Variants in RCBTB2 observed in about 807,000 individuals in gnomAD.
The protein encoded by RCBTB2 is RCC1 and BTB domain-containing protein 2.
A neutral mutation model predicts 65.4 loss-of-function variants in RCBTB2; 55 were observed. The ratio of observed to expected loss-of-function variants is 0.84; its 90% CI spans 0.68 to 1.05. The LOEUF (loss-of-function observed/expected upper bound fraction) is 1.05, where lower values mean the gene tolerates loss of function less well. Among genes scored for constraint, RCBTB2 ranks in the 50% least tolerant of loss-of-function variants. The pLI, the probability that RCBTB2 is intolerant of heterozygous loss-of-function variation, is 0.00. For missense variants in RCBTB2, 599 were observed against 680.1 expected (o/e 0.88, Z 1.33); for synonymous variants, 220 against 255.2 (o/e 0.86, Z 1.31).
intron 4 of RCBTB2, among the ~76,000 whole-genome samples, chr13:48,520,033 C>T (rs766499549): frequency 1.3e-5 from 2 of 151,974 alleles, no homozygotes; most frequent in African/African-American, 2.4e-5. Context: ...ATTAAAGATA[C>T]TCAACTGGTA....
intron 1 of RCBTB2, among the ~76,000 whole-genome samples, chr13:48,528,146 C>T (rs1190370167): frequency 1.3e-5 from 2 of 152,158 alleles, no homozygotes; most frequent in Admixed American, 6.5e-5. Flanking sequence ...AACAGAATAA[C>T]GTAGAGCAAA....
At chr13:48,516,556 C>A (rs544952247) in intron 4 of RCBTB2, among the ~76,000 whole-genome samples, 1 of 152,298 alleles carries the variant, frequency 6.6e-6, no homozygotes, top group East Asian at 1.9e-4. Context: ...CATATCTCTG[C>A]ATCTAAATTT....
At chr13:48,505,944 T>C (rs1441110772) in intron 10 of RCBTB2, among the ~76,000 whole-genome samples, 1 of 152,306 alleles carries the variant, frequency 6.6e-6, no homozygotes, top group East Asian at 1.9e-4. Context: ...GAACTCATGA[T>C]TTAGCTGGAG....
Position 48,511,938 on chromosome 13 carries a change from A to T in RCBTB2, c.676-61T>A, listed in dbSNP as rs865900007. ...ACAAATGGCCAGCAAGCTGTCTGTT[A>T]TGTGGGACATACCATACTGGCATGA... On this transcript the variant is annotated intron_variant, in intron 8 of 14. Coordinates refer to ENST00000344532, the MANE Select transcript of RCBTB2 (RefSeq NM_001268.4). 9.7e-5 allele frequency: 156 copies of T among 1,609,228 alleles called. 1 individual carries two copies. In the Middle Eastern group the frequency reaches 3.3e-3, roughly 34 times the overall value.
At chr13:48,525,214 T>C (rs1951643646) in intron 1 of RCBTB2, among the ~76,000 whole-genome samples, 1 of 151,254 alleles carries the variant, frequency 6.6e-6, no homozygotes, top group African/African-American at 2.4e-5. Context: ...GCAGTAAACT[T>C]GAACAAAAGG....
At position 48,501,848 on chromosome 13, in the gene RCBTB2, C is replaced by T. The variant is rs1174046281; in HGVS notation, c.1138G>A (p.Val380Met). The part of the protein sequence containing the change: ...LSVEPDDHLT[V>M]AESLKREFDN... ...AATTCCCTCTTCAGTGACTCAGCCA[C>T]TGTGAGGTGGTCATCAGGTTCTAGG... Residue 380 changes from valine (V) to methionine (M), a missense_variant, in exon 12 of 15, where the codon GTG (valine) becomes ATG (methionine). Physicochemically the swap from Val to Met is conservative, Grantham distance 21. Transcript: ENST00000344532. 1 of 1,613,974 alleles carries T rather than the reference C, an allele frequency of 6.2e-7. No individual in the cohort carries two copies. The highest frequency in any genetic ancestry group is 1.1e-5 in the South Asian group (1 of 91,030).
upstream of RCBTB2, among the ~76,000 whole-genome samples, chr13:48,534,806 T>G (rs138959406): frequency 2.2e-3 from 335 of 152,380 alleles, 1 homozygote; most frequent in African/African-American, 7.5e-3. Context: ...TTCACTGTAT[T>G]GCTGAATTCA....
intron 4 of RCBTB2, among the ~76,000 whole-genome samples, chr13:48,516,096 C>G (rs1201942696): frequency 6.7e-6 from 1 of 149,496 alleles, no homozygotes; most frequent in Non-Finnish European, 1.5e-5. Flanking sequence ...GCAAGAGAGA[C>G]AGAGAGAGAG....
chr13:48,514,021 T>C (rs1950948697), intron 6 of RCBTB2, among the ~76,000 whole-genome samples: 1 of 152,244 alleles, frequency 6.6e-6, no homozygotes, highest in African/African-American at 2.4e-5. Flanking sequence ...AAATGTACTG[T>C]TCACAATGTC....
At position 48,505,046 on chromosome 13, in the gene RCBTB2, C is replaced by T. The variant is rs188133990; in HGVS notation, c.927-2132G>A. Among the ~76,000 whole-genome samples, 6 of 144,966 alleles carry T rather than the reference C, an allele frequency of 4.1e-5. No individual in the cohort carries two copies. In the East Asian group the frequency reaches 1.2e-3, roughly 28 times the overall value. ...TCAAACCTAGGTTTGTTTTTTATTTCTTTCTTTTTTTTTTTTTTTCTTGCA... is the reference window on the plus strand; with the variant it reads ...TCAAACCTAGGTTTGTTTTTTATTTTTTTCTTTTTTTTTTTTTTTCTTGCA... On this transcript the variant is annotated intron_variant, in intron 10 of 14. Transcript: ENST00000344532.
chr13:48,524,755 T>C lies in RCBTB2; in HGVS notation c.-216A>G, dbSNP rs1467996023. 2.6e-5 allele frequency: 4 copies of C among 152,180 alleles called. No individual in the cohort carries two copies. The highest frequency in any genetic ancestry group is 1.5e-5 in the Non-Finnish European group (1 of 68,018). 9.4% of individuals were successfully genotyped at this position (152,180 alleles called of 1,614,324 possible). A position where few individuals can be genotyped will look rare whatever the true frequency, so the allele number is the denominator to read the frequency against. On this transcript the variant is annotated splice_region_variant and 5_prime_UTR_variant, in exon 2 of 15. Transcript: ENST00000344532. Reference sequence around the variant, plus strand: ...GTTGTCTTCTAGAGCAAAGTTAATGTGACTGGAAATATAAATACACAAATA... The same window carrying C: ...GTTGTCTTCTAGAGCAAAGTTAATGCGACTGGAAATATAAATACACAAATA...
chr13:48,496,408 A>C (rs1949973345), intron 13 of RCBTB2, 87 bp from the exon 14 acceptor site: 1 of 1,330,920 alleles, frequency 7.5e-7, no homozygotes, highest in Admixed American at 2.6e-5. Flanking sequence ...GATGATTTTG[A>C]CACTATTTTA....
At chr13:48,495,680 T>A (rs889305822) in intron 14 of RCBTB2, among the ~76,000 whole-genome samples, 4 of 152,242 alleles carry the variant, frequency 2.6e-5, no homozygotes, top group African/African-American at 9.6e-5. Context: ...TGTACTCTCA[T>A]CAGCAGTTTA....
At chr13:48,509,646 T>C (rs747737655) in intron 10 of RCBTB2, among the ~76,000 whole-genome samples, 2 of 152,136 alleles carry the variant, frequency 1.3e-5, no homozygotes, top group African/African-American at 4.8e-5. Context: ...ATTTAACCTA[T>C]AAAATTAACC....
intron 14 of RCBTB2, among the ~76,000 whole-genome samples, chr13:48,495,352 TTA>T (rs1949922280): frequency 6.6e-6 from 1 of 152,134 alleles, no homozygotes; most frequent in South Asian, 2.1e-4. Flanking sequence ...ATAATGAATT[TTA>T]GTTTTTTATT....
Position 48,489,870 on chromosome 13 carries a change from AATAAG to A in RCBTB2, c.*236_*240del, listed in dbSNP as rs2138378823. ...AGTGACTCAAAAAGAGGAAATGGTA[AATAAG>A]ATATTTCAATTTTTTTTCCTTGACC... On this transcript the variant is annotated 3_prime_UTR_variant, in exon 15 of 15. Coordinates refer to ENST00000344532, the MANE Select transcript of RCBTB2 (RefSeq NM_001268.4). The A allele has an allele frequency of 1.9e-6, 1 of 521,284 alleles. No individual in the cohort carries two copies. The highest frequency in any genetic ancestry group is 2.3e-5 in the South Asian group (1 of 43,194). The allele number at this position is 521,284 out of a possible 1,614,324, so 32.3% of individuals were successfully genotyped here. A position where few individuals can be genotyped will look rare whatever the true frequency, so the allele number is the denominator to read the frequency against.
chr13:48,533,122 C>G (rs747226257), upstream of RCBTB2: 1 of 426,094 alleles, frequency 2.3e-6, no homozygotes, highest in Non-Finnish European at 4.8e-6. Flanking sequence ...GCGCCTCCCC[C>G]TGAAACGGCC....
At chr13:48,527,018 T>C (rs1280977850) in intron 1 of RCBTB2, among the ~76,000 whole-genome samples, 1 of 151,818 alleles carries the variant, frequency 6.6e-6, no homozygotes, top group Admixed American at 6.6e-5. Context: ...AAATCCAAAA[T>C]AGTTAAAAAA....
At chr13:48,499,142 A>ACACACACTCTCTCT (rs1366425462) in intron 13 of RCBTB2, among the ~76,000 whole-genome samples, 6 of 132,286 alleles carry the variant, frequency 4.5e-5, no homozygotes, top group African/African-American at 1.8e-4. Flanking sequence ...ACACACACAC[A>ACACACACTCTCTCT]CTCTCTCTCT....
Sources: gnomAD v4.1 joint callset for allele counts (sites outside exome capture counted in the v4.1 genomes callset) on GRCh38, gnomAD v4.1.1 for gene constraint, MANE v1.5 for transcripts, NCBI Gene and HGNC (gene_info 2026-07-23, HGNC 2026-07-21) for gene names.